Variants in ASIC2 observed in about 807,000 individuals in gnomAD.
ASIC2 encodes acid sensing ion channel subunit 2.
Under a neutral mutation model 57.3 loss-of-function variants are expected in ASIC2, and 25 were observed. The observed-to-expected ratio is 0.44, with a 90% confidence interval of 0.32 to 0.61. The LOEUF (loss-of-function observed/expected upper bound fraction) is 0.61, where lower values mean the gene tolerates loss of function less well. Among genes scored for constraint, ASIC2 ranks in the 20% least tolerant of loss-of-function variants. ASIC2 has a pLI of 0.06. For missense variants in ASIC2, 641 were observed against 738.1 expected, an observed-to-expected ratio of 0.87 and a Z score of 1.52; for synonymous variants, 319 against 307.5, an observed-to-expected ratio of 1.04 and a Z score of -0.39.
At chr17:33,061,263 G>C (rs1235212592) in intron 3 of ASIC2, among the ~76,000 whole-genome samples, 1 of 152,308 alleles carries the variant, frequency 6.6e-6, no homozygotes, top group South Asian at 2.1e-4. Flanking sequence ...AATGCTTCCA[G>C]TTTTTGCCCA....
rs191507011 is a variant in ASIC2, at chr17:33,816,250, G to A, written c.555+339728C>T. Among the ~76,000 whole-genome samples the A allele has an allele frequency of 1.6e-4, 25 of 152,208 alleles. No individual in the cohort carries two copies. In the East Asian group the frequency reaches 4.2e-3, roughly 26 times the overall value. ...ATGCATTGCTATGGGCTTCTTTCCAGGGCACCTGCTTCTCATTCTTAATGT... is the reference window on the plus strand; with the variant it reads ...ATGCATTGCTATGGGCTTCTTTCCAAGGCACCTGCTTCTCATTCTTAATGT... On this transcript the variant is annotated intron_variant, in intron 1 of 9. Transcript: ENST00000359872.
intron 1 of ASIC2, among the ~76,000 whole-genome samples, chr17:33,169,842 C>G (rs1905443844): frequency 6.6e-6 from 1 of 152,230 alleles, no homozygotes; most frequent in South Asian, 2.1e-4. Flanking sequence ...GCCCTCACGG[C>G]TACCTCTGGT....
chr17:34,071,654 ACT>A (rs1219913743), intron 1 of ASIC2: 6 of 152,148 alleles, frequency 3.9e-5, no homozygotes, highest in Admixed American at 1.3e-4. Flanking sequence ...ACATGGTGAA[ACT>A]CTGTTTCTAC....
At chr17:33,452,317 G>T (rs1489086495) in intron 1 of ASIC2, among the ~76,000 whole-genome samples, 1 of 152,226 alleles carries the variant, frequency 6.6e-6, no homozygotes, top group African/African-American at 2.4e-5. Flanking sequence ...TGCAAGATGG[G>T]TATGGTAATA....
intron 1 of ASIC2, among the ~76,000 whole-genome samples, chr17:33,207,805 C>T (rs1346255531): frequency 6.6e-6 from 1 of 152,180 alleles, no homozygotes; most frequent in Non-Finnish European, 1.5e-5. Context: ...ACTCCATCAC[C>T]CTTCAGGTGG....
intron 1 of ASIC2, among the ~76,000 whole-genome samples, chr17:33,739,963 GAAAAGAA>G (rs1244062769): frequency 4.5e-5 from 5 of 109,912 alleles, no homozygotes; most frequent in Non-Finnish European, 8.9e-5. Flanking sequence ...AAAAGAGAAA[GAAAAGAA>G]GAAAGAAAGA....
chr17:34,117,414 G>A (rs1911459085), intron 1 of ASIC2, among the ~76,000 whole-genome samples: 1 of 152,192 alleles, frequency 6.6e-6, no homozygotes, highest in Non-Finnish European at 1.5e-5. Context: ...TTTCCCCAAT[G>A]TTGAAATGGA....
rs143742715 is a variant in ASIC2 at position 33,761,366 on chromosome 17, T to A, written c.555+394612A>T. Among the ~76,000 whole-genome samples the A allele has an allele frequency of 3.5e-3, 534 of 152,248 alleles. 6 individuals are homozygous for A. The highest frequency in any genetic ancestry group is 0.012 in the African/African-American group (507 of 41,538). ...CATTTTGGAATGGGTGCTGGCTGAA[T>A]GAAGGAGCTCTGTAGGGAATCCGGG... is the stretch of plus-strand genomic sequence containing the variant. On this transcript the variant is annotated intron_variant, in intron 1 of 9. Coordinates refer to the ASIC2 transcript ENST00000359872.
intron 1 of ASIC2, among the ~76,000 whole-genome samples, chr17:33,316,135 G>A (rs993911918): frequency 1.3e-5 from 2 of 152,044 alleles, no homozygotes; most frequent in Non-Finnish European, 2.9e-5. Flanking sequence ...TTTTTTCCTG[G>A]GAGTGTCTAA....
At chr17:33,693,734 G>A (rs998629192) in intron 1 of ASIC2, among the ~76,000 whole-genome samples, 2 of 152,200 alleles carry the variant, frequency 1.3e-5, no homozygotes, top group African/African-American at 4.8e-5. Flanking sequence ...GGCGTACTTT[G>A]AGGGGCTATA....
At chr17:33,978,165 TCCACTGGATGGTAAACC>T (rs1905464308) in intron 1 of ASIC2, among the ~76,000 whole-genome samples, 3 of 152,196 alleles carry the variant, frequency 2.0e-5, no homozygotes, top group African/African-American at 7.2e-5. Context: ...GGTGAGCTTC[TCCACTGGATGGTAAACC>T]CCACTCAGTG....
intron 1 of ASIC2, among the ~76,000 whole-genome samples, chr17:34,132,256 G>A (rs183570651): frequency 6.6e-6 from 1 of 152,228 alleles, no homozygotes; most frequent in Admixed American, 6.5e-5. Context: ...ACGAAGCCGG[G>A]GACCTTTGTG....
chr17:33,456,304 G>A (rs1567618448), intron 1 of ASIC2, among the ~76,000 whole-genome samples: 1 of 151,876 alleles, frequency 6.6e-6, no homozygotes, highest in Non-Finnish European at 1.5e-5. Context: ...TCTTCCTGGG[G>A]CTTATAAAAC....
At chr17:33,082,730 A>AAATG (rs2092118152) in intron 3 of ASIC2, among the ~76,000 whole-genome samples, 1 of 151,690 alleles carries the variant, frequency 6.6e-6, no homozygotes, top group Admixed American at 6.6e-5. Context: ...ATAAATAAAT[A>AAATG]AATAAATAAA....
chr17:33,950,152 C>T (rs1259149230), intron 1 of ASIC2, among the ~76,000 whole-genome samples: 2 of 152,234 alleles, frequency 1.3e-5, no homozygotes, highest in African/African-American at 2.4e-5. Context: ...CCTTCAGGGT[C>T]ATTGTCTCTA....
chr17:33,034,331 T>A (rs2091899573), intron 3 of ASIC2, among the ~76,000 whole-genome samples: 1 of 152,106 alleles, frequency 6.6e-6, no homozygotes, highest in South Asian at 2.1e-4. Flanking sequence ...ATACCCTGTC[T>A]CTAGCAAGTA....
At chr17:34,006,007 C>T (rs2142018052) in intron 1 of ASIC2, 1 of 152,352 alleles carries the variant, frequency 6.6e-6, no homozygotes, top group South Asian at 2.1e-4. Flanking sequence ...AATAAACAAT[C>T]ATGGCTTCTG....
chr17:33,497,331 G>A (rs1913967792), intron 1 of ASIC2, among the ~76,000 whole-genome samples: 1 of 152,234 alleles, frequency 6.6e-6, no homozygotes, highest in South Asian at 2.1e-4. Flanking sequence ...GGCCCATAGG[G>A]CTGTTTCCAA....
At chr17:34,110,158 C>G (rs1911217316) in intron 1 of ASIC2, among the ~76,000 whole-genome samples, 1 of 152,138 alleles carries the variant, frequency 6.6e-6, no homozygotes, top group Admixed American at 6.5e-5. Flanking sequence ...AAATCAAGAA[C>G]AACCTTAAGG....
Sources: allele counts gnomAD v4.1 joint callset (sites outside exome capture counted in the v4.1 genomes callset), GRCh38; gene constraint gnomAD v4.1.1; transcripts MANE v1.5; gene names NCBI Gene and HGNC (gene_info 2026-07-23, HGNC 2026-07-21).